The following TMSB15B variants were observed in gnomAD, a reference collection of about 807,000 sequenced individuals.
TMSB15B encodes the protein thymosin beta-15B.
intron 1 of TMSB15B, among the ~76,000 whole-genome samples, chrX:103,939,096 T>C (rs781956244): frequency 8.9e-6 from 1 of 111,952 alleles, no homozygotes; most frequent in Non-Finnish European, 1.9e-5. Context: ...ATTTTTTCCT[T>C]CATTTCAACC....
intron 1 of TMSB15B, among the ~76,000 whole-genome samples, chrX:103,919,782 G>A (rs2074946282): frequency 8.9e-6 from 1 of 112,575 alleles, no homozygotes; most frequent in African/African-American, 3.2e-5. Flanking sequence ...GCCAAAGACA[G>A]AGAGGTTAAG....
intron 1 of TMSB15B, among the ~76,000 whole-genome samples, chrX:103,945,347 TG>T (rs1556327075): frequency 8.9e-6 from 1 of 112,021 alleles, no homozygotes; most frequent in East Asian, 2.8e-4. Flanking sequence ...TAGCTTCTGA[TG>T]AGGGCCTTGT....
intron 1 of TMSB15B, chrX:103,932,380 G>A (rs1256640613): frequency 8.9e-6 from 1 of 111,907 alleles, no homozygotes; most frequent in Non-Finnish European, 1.9e-5. Flanking sequence ...CTCACTTAGT[G>A]TGTGGGAAAA....
chrX:103,923,679 A>G (rs1301544816), intron 1 of TMSB15B, among the ~76,000 whole-genome samples: 2 of 111,568 alleles, frequency 1.8e-5, no homozygotes, highest in Non-Finnish European at 3.8e-5. Context: ...TTGTCTTGGC[A>G]ATGCGGGCTC....
chrX:103,941,398 A>G (rs1452661868), intron 1 of TMSB15B, among the ~76,000 whole-genome samples: 1 of 111,220 alleles, frequency 9.0e-6, no homozygotes, highest in Admixed American at 9.5e-5. Context: ...TCATAATGAC[A>G]GTGCTATTTT....
chrX:103,937,847 C>A (rs1282989774), intron 1 of TMSB15B, among the ~76,000 whole-genome samples: 3 of 111,718 alleles, frequency 2.7e-5, no homozygotes, highest in Non-Finnish European at 5.6e-5. Context: ...TAGCTGTGTC[C>A]TAGAGATTCT....
At chrX:103,928,076 C>T (rs1458007195) in intron 1 of TMSB15B, 9 of 995,061 alleles carry the variant, frequency 9.0e-6, no homozygotes, top group Admixed American at 3.0e-5. Context: ...TTTCTTCCAC[C>T]TGCACCCAGT....
intron 1 of TMSB15B, among the ~76,000 whole-genome samples, chrX:103,922,821 C>G (rs781924931): frequency 8.9e-6 from 1 of 112,132 alleles, no homozygotes; most frequent in African/African-American, 3.2e-5. Context: ...ACAGTCCCAC[C>G]AACAGTGTAA....
chrX:103,951,793 G>T (rs1440295630), intron 1 of TMSB15B, among the ~76,000 whole-genome samples: 1 of 111,592 alleles, frequency 9.0e-6, no homozygotes, highest in Admixed American at 9.5e-5. Context: ...AAGGGAAGAA[G>T]AGATAGTAAA....
At chrX:103,924,102 G>T in intron 1 of TMSB15B, among the ~76,000 whole-genome samples, 2 of 111,663 alleles carry the variant, frequency 1.8e-5, no homozygotes, top group Middle Eastern at 9.2e-3. Context: ...GCAGAAACTT[G>T]GCCAAGGTTA....
intron 1 of TMSB15B, among the ~76,000 whole-genome samples, chrX:103,948,535 T>C (rs189338442): frequency 1.6e-4 from 18 of 112,391 alleles, no homozygotes; most frequent in African/African-American, 5.8e-4. Flanking sequence ...TAAATGTCTA[T>C]GAGGATGGAA....
chrX:103,928,518 G>A, intron 1 of TMSB15B: 2 of 1,197,227 alleles, frequency 1.7e-6, no homozygotes, highest in Middle Eastern at 2.3e-4. Context: ...TGCAAAATGT[G>A]CTCCAGGATG....
chrX:103,948,031 G>T (rs2075029847), intron 1 of TMSB15B, among the ~76,000 whole-genome samples: 1 of 111,069 alleles, frequency 9.0e-6, no homozygotes, highest in Admixed American at 9.6e-5. Flanking sequence ...ACACACTGGA[G>T]CCTGTCGGGG....
At chrX:103,952,305 C>G (rs1293812127) in intron 1 of TMSB15B, among the ~76,000 whole-genome samples, 16 of 111,783 alleles carry the variant, frequency 1.4e-4, no homozygotes, top group Non-Finnish European at 2.8e-4. Context: ...GAGAATATTT[C>G]TGACAACAGC....
chrX:103,951,328 T>C (rs185340549), intron 1 of TMSB15B, among the ~76,000 whole-genome samples: 1 of 111,600 alleles, frequency 9.0e-6, no homozygotes, highest in East Asian at 2.8e-4. Context: ...TGCAGATAGG[T>C]GAAATGATGT....
chrX:103,928,676 C>A, intron 1 of TMSB15B: 2 of 1,153,851 alleles, frequency 1.7e-6, no homozygotes, highest in Non-Finnish European at 1.2e-6. Context: ...CTATATTTTT[C>A]TTTCCAGGAC....
rs192380532 is a variant in TMSB15B at position 103,950,327 on chromosome X, T to G, written c.-720-11694T>G. 3.3e-3 allele frequency among the ~76,000 whole-genome samples: 370 copies of G among 110,894 alleles called. 2 individuals are homozygous for G. The highest frequency in any genetic ancestry group is 0.012 in the African/African-American group (356 of 30,490). On this transcript the variant is annotated intron_variant, in intron 1 of 3. Coordinates refer to the TMSB15B transcript ENST00000419165. ...TAAGACAATAGTGAGTATGGCTTGT[T>G]TGAGGAACAGCAGGGAGGCTACAGC... is the stretch of plus-strand genomic sequence containing the variant.
At chrX:103,947,206 CA>C (rs1202841630) in intron 1 of TMSB15B, among the ~76,000 whole-genome samples, 1 of 111,376 alleles carries the variant, frequency 9.0e-6, no homozygotes, top group Non-Finnish European at 1.9e-5. Context: ...GAATTAACTA[CA>C]AATTCACGAC....
intron 1 of TMSB15B, among the ~76,000 whole-genome samples, chrX:103,930,506 G>A (rs782691060): frequency 9.0e-6 from 1 of 110,538 alleles, no homozygotes; most frequent in South Asian, 3.9e-4. Flanking sequence ...ATTCTTGTAT[G>A]CATTTTAAAA....
Sources: allele counts gnomAD v4.1 joint callset (sites outside exome capture counted in the v4.1 genomes callset), GRCh38; gene constraint gnomAD v4.1.1; transcripts MANE v1.5; gene names NCBI Gene and HGNC (gene_info 2026-07-23, HGNC 2026-07-21).